The following TMEM132B variants were observed in gnomAD, a reference collection of about 807,000 sequenced individuals.
The protein encoded by TMEM132B is transmembrane protein 132B.
Under a neutral mutation model 90.8 loss-of-function variants are expected in TMEM132B, and 18 were observed. That is an observed-to-expected ratio of 0.20 (90% CI 0.14 to 0.29). The LOEUF is 0.29. Among genes scored for constraint, TMEM132B ranks in the 10% least tolerant of loss-of-function variants. The pLI, the probability that TMEM132B is intolerant of heterozygous loss-of-function variation, is 1.00. For missense variants in TMEM132B, 1,096 were observed against 1,326.8 expected (o/e 0.83, Z 2.70); for synonymous variants, 504 against 523.3 (o/e 0.96, Z 0.50).
chr12:125,195,189 T>A (rs1872897413), intron 1 of TMEM132B, among the ~76,000 whole-genome samples: 1 of 151,992 alleles, frequency 6.6e-6, no homozygotes, highest in Non-Finnish European at 1.5e-5. Flanking sequence ...ACCTGCACTG[T>A]GCCAGCCCCT....
chr12:125,444,839 C>G (rs1880960636), intron 3 of TMEM132B, among the ~76,000 whole-genome samples: 1 of 152,088 alleles, frequency 6.6e-6, no homozygotes, highest in South Asian at 2.1e-4. Flanking sequence ...AATTGAAAGG[C>G]CTTAAGAGCA....
intron 4 of TMEM132B, among the ~76,000 whole-genome samples, chr12:125,576,399 T>A (rs886701512): frequency 6.6e-6 from 1 of 152,014 alleles, no homozygotes. Flanking sequence ...TATGGGATCA[T>A]GTCATCTGCA....
At chr12:125,356,514 G>C (rs932165025) in intron 2 of TMEM132B, among the ~76,000 whole-genome samples, 2 of 152,218 alleles carry the variant, frequency 1.3e-5, no homozygotes, top group Admixed American at 6.5e-5. Context: ...CTCCACAGCT[G>C]AGTCATCAGT....
At chr12:125,272,984 C>T (rs1294843605) in intron 1 of TMEM132B, among the ~76,000 whole-genome samples, 1 of 152,202 alleles carries the variant, frequency 6.6e-6, no homozygotes, top group Admixed American at 6.5e-5. Context: ...CCCTTTTGAA[C>T]ACACAAACAT....
In TMEM132B at chr12:125,260,184, T is replaced by C. The variant is rs139964385; in HGVS notation, c.67+73318T>C. ...ATTTTGCCACCATTCACTTACATGT[T>C]TGGTCAACGTTTATGGAGCTTTGGG... is the stretch of plus-strand genomic sequence containing the variant. On this transcript the variant is annotated intron_variant, in intron 1 of 8. Coordinates refer to ENST00000682704, the MANE Select transcript of TMEM132B (RefSeq NM_001366854.1). Among the ~76,000 whole-genome samples, 153 of 152,254 alleles carry C rather than the reference T, an allele frequency of 1.0e-3. 1 individual carries two copies. Among genetic ancestry groups the C allele is most frequent in the South Asian group, 8.5e-3 (41 of 4,820 alleles).
rs1483698191 is a variant in TMEM132B, at chr12:125,660,881, G to C, written c.*6171G>C. On this transcript the variant is annotated 3_prime_UTR_variant, in exon 9 of 9. Coordinates refer to ENST00000682704, the MANE Select transcript of TMEM132B (RefSeq NM_001366854.1). ...TGCTGCAGGAACTGAGAGGATAGAAGACCTCTCTATACATCTACATTGCCC... is the reference window on the plus strand; with the variant it reads ...TGCTGCAGGAACTGAGAGGATAGAACACCTCTCTATACATCTACATTGCCC... 4 of 152,204 alleles carry C rather than the reference G, an allele frequency of 2.6e-5. No homozygotes were observed. The highest frequency in any genetic ancestry group is 9.7e-5 in the African/African-American group (4 of 41,440). The allele number at this position is 152,204 out of a possible 1,614,324, so 9.4% of individuals were successfully genotyped here.
chr12:125,627,845 C>T (rs1232491025), intron 5 of TMEM132B, among the ~76,000 whole-genome samples: 1 of 152,180 alleles, frequency 6.6e-6, no homozygotes, highest in Non-Finnish European at 1.5e-5. Context: ...TGGTAACCAT[C>T]CTTCCACTAT....
chr12:125,200,693 A>G (rs1392402269), intron 1 of TMEM132B, among the ~76,000 whole-genome samples: 1 of 152,244 alleles, frequency 6.6e-6, no homozygotes, highest in Admixed American at 6.5e-5. Context: ...TGGCAGAAGA[A>G]AGAACTGACA....
intron 1 of TMEM132B, among the ~76,000 whole-genome samples, chr12:125,318,991 C>G (rs541811106): frequency 1.3e-5 from 2 of 152,170 alleles, no homozygotes; most frequent in Non-Finnish European, 2.9e-5. Context: ...CCACTGGGGT[C>G]CCCCGGTTGT....
chr12:125,198,723 A>G (rs936906219), intron 1 of TMEM132B, among the ~76,000 whole-genome samples: 1 of 152,204 alleles, frequency 6.6e-6, no homozygotes, highest in Non-Finnish European at 1.5e-5. Flanking sequence ...GAAGGAAGAA[A>G]AACTACTACT....
At chr12:125,434,205 C>T (rs1034058271) in intron 3 of TMEM132B, among the ~76,000 whole-genome samples, 7 of 152,282 alleles carry the variant, frequency 4.6e-5, no homozygotes, top group Non-Finnish European at 8.8e-5. Flanking sequence ...TCTGCAGCCA[C>T]GGTCACGTCT....
intron 1 of TMEM132B, among the ~76,000 whole-genome samples, chr12:125,229,821 C>T (rs1565979544): frequency 1.3e-5 from 2 of 152,220 alleles, no homozygotes; most frequent in African/African-American, 4.8e-5. Context: ...CTTGCACGCT[C>T]CCAGTCGCCT....
chr12:125,612,068 A>T (rs1001063314), intron 5 of TMEM132B, among the ~76,000 whole-genome samples: 2 of 152,174 alleles, frequency 1.3e-5, no homozygotes, highest in African/African-American at 4.8e-5. Context: ...TTTTTGCTTC[A>T]TAGATCTGGG....
chr12:125,230,812 T>C (rs1018317611), intron 1 of TMEM132B, among the ~76,000 whole-genome samples: 2 of 152,098 alleles, frequency 1.3e-5, no homozygotes, highest in Non-Finnish European at 2.9e-5. Context: ...TTTTATCAAG[T>C]CTTCCAGGTG....
intron 1 of TMEM132B, among the ~76,000 whole-genome samples, chr12:125,313,735 C>T (rs1876181163): frequency 7.8e-6 from 1 of 127,528 alleles, no homozygotes; most frequent in Admixed American, 8.1e-5. Context: ...TTTTCTGCCA[C>T]ATGCAACCCA....
At chr12:125,619,971 T>A (rs557993375) in intron 5 of TMEM132B, among the ~76,000 whole-genome samples, 10 of 152,234 alleles carry the variant, frequency 6.6e-5, no homozygotes, top group Admixed American at 6.5e-4. Context: ...TTCAACTGAG[T>A]TATAATATCC....
intron 3 of TMEM132B, among the ~76,000 whole-genome samples, chr12:125,457,867 TGA>T (rs1448189229): frequency 6.6e-6 from 1 of 151,946 alleles, no homozygotes; most frequent in Non-Finnish European, 1.5e-5. Context: ...CATGTCCAGG[TGA>T]GTGTGATGGG....
At chr12:125,483,806 A>G (rs973017416) in intron 3 of TMEM132B, among the ~76,000 whole-genome samples, 9 of 152,138 alleles carry the variant, frequency 5.9e-5, no homozygotes, top group Non-Finnish European at 1.2e-4. Context: ...TCGTTTCTCA[A>G]TCTTATTCTT....
intron 4 of TMEM132B, among the ~76,000 whole-genome samples, chr12:125,525,134 A>G (rs967680391): frequency 6.6e-6 from 1 of 152,158 alleles, no homozygotes; most frequent in Admixed American, 6.5e-5. Context: ...AGGGGGCAGC[A>G]GAACACTCTA....
Sources: allele counts gnomAD v4.1 joint callset (sites outside exome capture counted in the v4.1 genomes callset), GRCh38; gene constraint gnomAD v4.1.1; transcripts MANE v1.5; gene names NCBI Gene and HGNC (gene_info 2026-07-23, HGNC 2026-07-21).